The following PEDS1 variants were observed in gnomAD, a reference collection of about 807,000 sequenced individuals.
PEDS1 encodes the protein CarF homolog.
In PEDS1, 14 loss-of-function variants were observed where a neutral mutation model predicts 35.2. The ratio of observed to expected loss-of-function variants is 0.40; its 90% CI spans 0.26 to 0.62. The LOEUF (loss-of-function observed/expected upper bound fraction) is 0.62. PEDS1 is among the 20% of genes least tolerant of loss of function. The pLI, the probability that PEDS1 is intolerant of heterozygous loss-of-function variation, is 0.44. For missense variants in PEDS1, 260 were observed against 367.8 expected (o/e 0.71, Z 2.40); for synonymous variants, 152 against 152.0 (o/e 1.00, Z 0.00).
intron 1 of PEDS1, among the ~76,000 whole-genome samples, chr20:50,151,551 G>C (rs1359078536): frequency 6.6e-6 from 1 of 152,174 alleles, no homozygotes; most frequent in African/African-American, 2.4e-5. Context: ...CACAGCAAAG[G>C]TCAGACTACT....
At chr20:50,125,595 TTATC>T (rs914928536) in intron 5 of PEDS1, among the ~76,000 whole-genome samples, 58 of 150,500 alleles carry the variant, frequency 3.9e-4, no homozygotes, top group African/African-American at 1.2e-3. Flanking sequence ...TATCTATCAT[TTATC>T]TATCTATTTA....
rs773975556 is a variant in PEDS1, at chr20:50,128,236, G to T, written c.479-49C>A. 1 of 1,605,610 alleles carries T rather than the reference G, an allele frequency of 6.2e-7. No homozygotes were observed. The highest frequency in any genetic ancestry group is 1.1e-5 in the South Asian group (1 of 90,322). On this transcript the variant is annotated intron_variant, in intron 4 of 5. Coordinates refer to ENST00000371652, the MANE Select transcript of PEDS1 (RefSeq NM_199129.4). This position sits in a 1 kb window ranked among gnomAD's most constrained non-coding sequence, Gnocchi z 5.2. ...CCGGCACAGCTGTCACTCGGGACGGGGAACCCACCCCAAATGGCCCTCACC... is the reference window on the plus strand; with the variant it reads ...CCGGCACAGCTGTCACTCGGGACGGTGAACCCACCCCAAATGGCCCTCACC...
intron 2 of PEDS1, among the ~76,000 whole-genome samples, chr20:50,141,934 A>T (rs1205322577): frequency 6.6e-6 from 1 of 152,166 alleles, no homozygotes; most frequent in Non-Finnish European, 1.5e-5. Flanking sequence ...GTGGGAGTTG[A>T]ACCCTTAGGA....
At chr20:50,134,522 A>G (rs977461881) in intron 2 of PEDS1, among the ~76,000 whole-genome samples, 6 of 152,166 alleles carry the variant, frequency 3.9e-5, no homozygotes, top group African/African-American at 1.4e-4. Flanking sequence ...ACTCCAGGCT[A>G]GGCAACAAGA....
rs138484925 is a variant in PEDS1, at chr20:50,148,598, C to T, written c.121+4919G>A. Among the ~76,000 whole-genome samples, 901 of 152,238 alleles carry T rather than the reference C, an allele frequency of 5.9e-3. 10 individuals carry two copies. The highest frequency in any genetic ancestry group is 0.02 in the African/African-American group (851 of 41,524). On this transcript the variant is annotated intron_variant, in intron 1 of 5. Coordinates refer to ENST00000371652, the MANE Select transcript of PEDS1 (RefSeq NM_199129.4). ...GTCATGCCTTTGTCATCCTGCTTTC[C>T]AGGGGACAGGCTGCAGTCAAAGGCT... is the stretch of plus-strand genomic sequence containing the variant.
At chr20:50,127,340 G>GTTTT (rs11471254) in intron 5 of PEDS1, among the ~76,000 whole-genome samples, 17 of 87,186 alleles carry the variant, frequency 1.9e-4, no homozygotes, top group Non-Finnish European at 3.1e-4. Context: ...GTGTTTTCTG[G>GTTTT]TTTTTTTTTT....
chr20:50,143,596 A>G lies in PEDS1; in HGVS notation c.147T>C (p.Ser49=), dbSNP rs1421660628. 1 of 1,614,090 alleles carries G rather than the reference A, an allele frequency of 6.2e-7. No homozygotes were observed. Among genetic ancestry groups the G allele is most frequent in the South Asian group, 1.1e-5 (1 of 91,050 alleles). Residue 49 remains serine (S), a synonymous_variant, in exon 2 of 6, where the codon TCT becomes TCC. Coordinates refer to ENST00000371652, the MANE Select transcript of PEDS1 (RefSeq NM_199129.4). The stretch of plus-strand genomic sequence containing the variant: ...CGATGAGGCTGAAGCACAGGATCAC[A>G]GAGCACCACTCCTGGAGGCGCTTGC... The part of the protein sequence containing the change: ...SPGKRLQEWC[S]VILCFSLIAH...
chr20:50,143,001 G>A (rs1275476028), intron 2 of PEDS1, among the ~76,000 whole-genome samples: 4 of 152,094 alleles, frequency 2.6e-5, no homozygotes, highest in Admixed American at 2.6e-4. Flanking sequence ...CTGAGGAGCC[G>A]GTGTTCTATT....
At chr20:50,127,340 G>GTT (rs11471254) in intron 5 of PEDS1, among the ~76,000 whole-genome samples, 695 of 87,122 alleles carry the variant, frequency 8.0e-3, no homozygotes, top group Non-Finnish European at 0.011. Context: ...GTGTTTTCTG[G>GTT]TTTTTTTTTT....
intron 2 of PEDS1, among the ~76,000 whole-genome samples, chr20:50,141,579 C>A (rs1267017830): frequency 2.0e-5 from 3 of 152,218 alleles, no homozygotes; most frequent in Non-Finnish European, 2.9e-5. Context: ...TGGCCCAAGG[C>A]CACAGAGCCA....
At chr20:50,147,440 T>G (rs749427352) in intron 1 of PEDS1, among the ~76,000 whole-genome samples, 34 of 152,226 alleles carry the variant, frequency 2.2e-4, no homozygotes, top group Non-Finnish European at 4.6e-4. Flanking sequence ...GCTGGGCCCC[T>G]GCAGTCATCT....
intron 5 of PEDS1, among the ~76,000 whole-genome samples, chr20:50,126,263 GATACTA>G (rs1252678679): frequency 6.6e-6 from 1 of 152,136 alleles, no homozygotes; most frequent in Non-Finnish European, 1.5e-5. Context: ...CCATGAGGTA[GATACTA>G]ATATCAGTCC....
At position 50,127,959 on chromosome 20, in the gene PEDS1, C is replaced by T. The variant is rs1271876363; in HGVS notation, c.691+16G>A. ...TGGGGTGGGGAAAGCCCATTCCACG[C>T]CACTGGTGGCCGCACCTGTGGTGAT... On this transcript the variant is annotated intron_variant, in intron 5 of 5. Coordinates refer to ENST00000371652, the MANE Select transcript of PEDS1 (RefSeq NM_199129.4). 1 of 1,611,228 alleles carries T rather than the reference C, an allele frequency of 6.2e-7. No individual in the cohort carries two copies. The highest frequency in any genetic ancestry group is 8.5e-7 in the Non-Finnish European group (1 of 1,178,942).
chr20:50,144,030 T>C (rs1490597827), intron 1 of PEDS1, among the ~76,000 whole-genome samples: 3 of 152,108 alleles, frequency 2.0e-5, no homozygotes, highest in Non-Finnish European at 4.4e-5. Context: ...TGCATCTATA[T>C]TGCCAACCAC....
In PEDS1 at chr20:50,121,555, A is replaced by T. The variant is rs565636909; in HGVS notation, c.*3503T>A. The T allele has an allele frequency of 6.6e-6, 1 of 152,304 alleles. No homozygotes were observed. The highest frequency in any genetic ancestry group is 2.4e-5 in the African/African-American group (1 of 41,560). 9.4% of individuals were successfully genotyped at this position (152,304 alleles called of 1,614,324 possible). ...GCAAAGTTAAGTGCTCAGTAATATT[A>T]AGTAGCATTTTCCCCTGTCTGGCCC... On this transcript the variant is annotated 3_prime_UTR_variant, in exon 6 of 6. Coordinates refer to ENST00000371652, the MANE Select transcript of PEDS1 (RefSeq NM_199129.4).
intron 2 of PEDS1, 191 bp from the exon 3 acceptor site, chr20:50,131,138 C>T: frequency 1.4e-6 from 2 of 1,422,172 alleles, no homozygotes; most frequent in East Asian, 2.5e-5. Flanking sequence ...ACTTGCTGTG[C>T]TCGGGGAGAT....
In PEDS1 at chr20:50,151,140, T is replaced by C. The variant is rs779424046; in HGVS notation, c.121+2377A>G. 2.7e-4 allele frequency: 227 copies of C among 830,664 alleles called. 1 individual carries two copies. Among genetic ancestry groups the C allele is most frequent in the Non-Finnish European group, 1.3e-4 (74 of 579,240 alleles). The allele number at this position is 830,664 out of a possible 1,614,324, so 51.5% of individuals were successfully genotyped here. A position where few individuals can be genotyped will look rare whatever the true frequency, so the allele number is the denominator to read the frequency against. On this transcript the variant is annotated intron_variant, in intron 1 of 5. Coordinates refer to ENST00000371652, the MANE Select transcript of PEDS1 (RefSeq NM_199129.4). ...CAAATACTTCCCCAAGATCACACAG[T>C]GAGCAGATAGAAGCAGAGAGGCCAG... is the stretch of plus-strand genomic sequence containing the variant.
At chr20:50,130,986 C>G (rs780894276) in intron 2 of PEDS1, 39 bp from the exon 3 acceptor site, 2 of 1,614,036 alleles carry the variant, frequency 1.2e-6, no homozygotes, top group African/African-American at 2.7e-5. Context: ...ATCCCTGCAC[C>G]CCCCCAATCA....
rs935573885 is a variant in PEDS1, at chr20:50,124,995, T to C, written c.*63A>G. 11 of 1,598,392 alleles carry C rather than the reference T, an allele frequency of 6.9e-6. No individual in the cohort carries two copies. In the African/African-American group the frequency reaches 1.3e-4, roughly 19 times the overall value. On this transcript the variant is annotated 3_prime_UTR_variant, in exon 6 of 6. Transcript: ENST00000371652. ...GGGCCAGCTCAAAGAGGCTGGAATTTGGCAGATGGCTTCGGTTTGGGGGCT... is the reference window on the plus strand; with the variant it reads ...GGGCCAGCTCAAAGAGGCTGGAATTCGGCAGATGGCTTCGGTTTGGGGGCT...
Sources: allele counts gnomAD v4.1 joint callset (sites outside exome capture counted in the v4.1 genomes callset), GRCh38; gene constraint gnomAD v4.1.1; non-coding constraint Gnocchi (gnomAD v3.1); transcripts MANE v1.5; gene names NCBI Gene and HGNC (gene_info 2026-07-23, HGNC 2026-07-21).